Variants in VPS50 observed in about 807,000 individuals in gnomAD.
The protein encoded by VPS50 is syndetin.
A neutral mutation model predicts 139.7 loss-of-function variants in VPS50; 70 were observed. The ratio of observed to expected loss-of-function variants is 0.50; its 90% CI spans 0.41 to 0.61. The LOEUF (loss-of-function observed/expected upper bound fraction) is 0.61, where lower values mean the gene tolerates loss of function less well. VPS50 is among the 20% of genes least tolerant of loss of function. The probability of loss-of-function intolerance (pLI) is 0.00; values close to 1 mark genes in which losing one functional copy is unlikely to be tolerated. For missense variants in VPS50, 921 were observed against 1,133.7 expected, an observed-to-expected ratio of 0.81 and a Z score of 2.69; for synonymous variants, 365 against 376.7, an observed-to-expected ratio of 0.97 and a Z score of 0.36.
At chr7:93,345,567 A>T (rs1393696430) in intron 23 of VPS50, among the ~76,000 whole-genome samples, 2 of 152,190 alleles carry the variant, frequency 1.3e-5, no homozygotes, top group African/African-American at 4.8e-5. Flanking sequence ...ACATTGATGC[A>T]AAAATCCTTA....
At chr7:93,332,073 T>C (rs1365075405) in intron 21 of VPS50, among the ~76,000 whole-genome samples, 5 of 152,220 alleles carry the variant, frequency 3.3e-5, no homozygotes, top group African/African-American at 7.2e-5. Context: ...GTATTAAGAA[T>C]TGGCAAGTTT....
At chr7:93,308,288 AT>A (rs1797172977) in intron 18 of VPS50, among the ~76,000 whole-genome samples, 1 of 151,740 alleles carries the variant, frequency 6.6e-6, no homozygotes, top group Non-Finnish European at 1.5e-5. Context: ...TAAATCCACC[AT>A]TTTTGTCCTC....
At chr7:93,343,135 T>G (rs1276546746) in intron 23 of VPS50, among the ~76,000 whole-genome samples, 1 of 151,974 alleles carries the variant, frequency 6.6e-6, no homozygotes, top group African/African-American at 2.4e-5. Flanking sequence ...GAGAAGTGCT[T>G]AAAGGAGCTG....
Position 93,252,597 on chromosome 7 carries a change from G to A in VPS50, c.103-56G>A, listed in dbSNP as rs1187856592. On this transcript the variant is annotated intron_variant, in intron 2 of 27. Coordinates refer to ENST00000305866, the MANE Select transcript of VPS50 (RefSeq NM_017667.4). ...AAGACAAATGATCATTTATTTCCAT[G>A]CAGATATAATTTTAACAGCTACAAT... 13 of 1,134,496 alleles carry A rather than the reference G, an allele frequency of 1.1e-5. No individual in the cohort carries two copies. The South Asian group carries it at 1.3e-4, about 12-fold the overall frequency. The allele number at this position is 1,134,496 out of a possible 1,614,324, so 70.3% of individuals were successfully genotyped here. A position where few individuals can be genotyped will look rare whatever the true frequency, so the allele number is the denominator to read the frequency against.
At chr7:93,282,827 T>G (rs1299773838) in intron 12 of VPS50, among the ~76,000 whole-genome samples, 1 of 152,216 alleles carries the variant, frequency 6.6e-6, no homozygotes, top group Non-Finnish European at 1.5e-5. Context: ...ATATTATCAT[T>G]TACTTGGTTT....
At chr7:93,356,418 G>A (rs1798708461) in intron 27 of VPS50, among the ~76,000 whole-genome samples, 1 of 152,134 alleles carries the variant, frequency 6.6e-6, no homozygotes, top group Non-Finnish European at 1.5e-5. Flanking sequence ...ATTGAATACA[G>A]AAACAATGAA....
chr7:93,349,873 A>C lies in VPS50; in HGVS notation c.2305-2A>C. On this transcript the variant is annotated splice_acceptor_variant, in intron 24 of 27. Coordinates refer to ENST00000305866, the MANE Select transcript of VPS50 (RefSeq NM_017667.4). LOFTEE classifies it high-confidence loss of function. ...TTTTCATTTTTGTGAAATTTATTTC[A>C]GACAGTCTCAACCGCCAGTGAACTA... 1 of 1,602,124 alleles carries C rather than the reference A, an allele frequency of 6.2e-7. No homozygotes were observed. Among genetic ancestry groups the C allele is most frequent in the Non-Finnish European group, 8.5e-7 (1 of 1,175,972 alleles).
At chr7:93,242,737 A>G (rs1457842661) in intron 2 of VPS50, among the ~76,000 whole-genome samples, 1 of 151,994 alleles carries the variant, frequency 6.6e-6, no homozygotes, top group Non-Finnish European at 1.5e-5. Flanking sequence ...TTTTCATAGT[A>G]TCTTTCTAAG....
intron 20 of VPS50, among the ~76,000 whole-genome samples, chr7:93,313,640 G>A (rs1653514228): frequency 6.6e-6 from 1 of 152,126 alleles, no homozygotes; most frequent in Non-Finnish European, 1.5e-5. Context: ...TATGTTCCTG[G>A]TGCTGAATTC....
chr7:93,336,930 ACT>A (rs1798083878), intron 22 of VPS50, among the ~76,000 whole-genome samples: 1 of 152,108 alleles, frequency 6.6e-6, no homozygotes, highest in East Asian at 1.9e-4. Flanking sequence ...AAAAAATGTG[ACT>A]CTCACTGTGA....
chr7:93,235,345 C>T (rs1442185696), intron 1 of VPS50, among the ~76,000 whole-genome samples: 3 of 152,182 alleles, frequency 2.0e-5, no homozygotes, highest in Non-Finnish European at 4.4e-5. Context: ...TCATGGCTTT[C>T]ATTCTGAGTG....
At chr7:93,311,931 C>T (rs186568908) in intron 20 of VPS50, among the ~76,000 whole-genome samples, 1 of 151,888 alleles carries the variant, frequency 6.6e-6, no homozygotes, top group East Asian at 1.9e-4. Flanking sequence ...GATGTCTTCT[C>T]CTATTAAACT....
intron 2 of VPS50, among the ~76,000 whole-genome samples, chr7:93,249,402 A>T (rs1428726497): frequency 6.6e-6 from 1 of 152,106 alleles, no homozygotes; most frequent in Non-Finnish European, 1.5e-5. Flanking sequence ...CCGAGGGTTA[A>T]TGATGGAATT....
In VPS50 at chr7:93,258,402, C is replaced by T. The variant is rs1312566616; in HGVS notation, c.576+10C>T. 2 of 1,610,998 alleles carry T rather than the reference C, an allele frequency of 1.2e-6. No individual in the cohort carries two copies. Among genetic ancestry groups the T allele is most frequent in the Admixed American group, 1.7e-5 (1 of 59,922 alleles). ...AAGTGAAATGCTGGAGGTAAGTTAA[C>T]AAGTTTTGGAAATTTAGGGTCCTAC... On this transcript the variant is annotated intron_variant, in intron 8 of 27. Transcript: ENST00000305866.
chr7:93,275,523 T>A (rs1467109451), intron 11 of VPS50, among the ~76,000 whole-genome samples: 1 of 152,190 alleles, frequency 6.6e-6, no homozygotes, highest in Non-Finnish European at 1.5e-5. Context: ...ATTAGCATTT[T>A]TTTAAATTTT....
intron 12 of VPS50, among the ~76,000 whole-genome samples, chr7:93,282,905 T>G (rs1211885875): frequency 6.6e-6 from 1 of 152,224 alleles, no homozygotes; most frequent in Non-Finnish European, 1.5e-5. Flanking sequence ...ATATATGGAG[T>G]GCCTAGCTAA....
At chr7:93,348,653 T>C in intron 23 of VPS50, 58 bp from the exon 24 acceptor site, 4 of 1,096,036 alleles carry the variant, frequency 3.6e-6, no homozygotes, top group Non-Finnish European at 5.5e-6. Context: ...TACGAAAGCA[T>C]GACAGGCTCT....
At chr7:93,355,205 C>T (rs753789918) in intron 26 of VPS50, among the ~76,000 whole-genome samples, 3 of 151,148 alleles carry the variant, frequency 2.0e-5, no homozygotes, top group Non-Finnish European at 4.4e-5. Context: ...ACCTCATTCC[C>T]ACAGTTGAAT....
chr7:93,240,087 G>T, intron 2 of VPS50, 153 bp downstream of exon 2: 1 of 519,048 alleles, frequency 1.9e-6, no homozygotes, highest in Non-Finnish European at 3.6e-6. Context: ...GTAGGTGTAG[G>T]GCTTGTTTCA....
Sources: allele counts gnomAD v4.1 joint callset (sites outside exome capture counted in the v4.1 genomes callset), GRCh38; gene constraint gnomAD v4.1.1; transcripts MANE v1.5; gene names NCBI Gene and HGNC (gene_info 2026-07-23, HGNC 2026-07-21).